Variants in HEATR4 observed in about 807,000 individuals in gnomAD.
The protein encoded by HEATR4 is HEAT repeat-containing protein 4.
In HEATR4, 95 loss-of-function variants were observed where a neutral mutation model predicts 108.8. The observed-to-expected ratio is 0.87, with a 90% confidence interval of 0.74 to 1.04. HEATR4 has a LOEUF of 1.04. HEATR4 is among the 50% of genes least tolerant of loss of function. HEATR4 has a pLI of 0.00. For missense variants in HEATR4, 1,152 were observed against 1,253.8 expected (o/e 0.92, Z 1.23); for synonymous variants, 443 against 459.4 (o/e 0.96, Z 0.46).
At chr14:73,574,823 A>G in the HEATR4 span, 3 of 1,601,652 alleles carry the variant, frequency 1.9e-6, no homozygotes, top group South Asian at 3.3e-5. Flanking sequence ...ACTCAGGTTC[A>G]ACTAACTTCC....
chr14:73,535,549 AGC>A lies in HEATR4; in HGVS notation c.-151-5307_-151-5306del, dbSNP rs1485983769. Among the ~76,000 whole-genome samples, 39 of 87,958 alleles carry A rather than the reference AGC, an allele frequency of 4.4e-4. 7 individuals carry two copies. Among genetic ancestry groups the A allele is most frequent in the African/African-American group, 1.4e-3 (37 of 26,208 alleles). The allele number at this position is 87,958 out of a possible 152,430, so 57.7% of individuals were successfully genotyped here. On this transcript the variant is annotated intron_variant, in intron 1 of 17. Coordinates refer to ENST00000553558, the MANE Select transcript of HEATR4 (RefSeq NM_001220484.1). ...AGTGGCGCCATCTTGGCTCACTGCA[AGC>A]ACTGCCTCCAGGGTTCACGCCATTC... is the stretch of plus-strand genomic sequence containing the variant.
chr14:73,563,581 C>G (rs1287590601), upstream of HEATR4, among the ~76,000 whole-genome samples: 2 of 151,842 alleles, frequency 1.3e-5, no homozygotes, highest in Non-Finnish European at 2.9e-5. Context: ...GGGGATAGAG[C>G]GAGACTCCAA....
At chr14:73,601,008 G>C in the HEATR4 span, among the ~76,000 whole-genome samples, 4 of 151,808 alleles carry the variant, frequency 2.6e-5, no homozygotes, top group South Asian at 6.3e-4. Flanking sequence ...AGGTGTGGTG[G>C]TGCGTGCCTG....
the HEATR4 span, among the ~76,000 whole-genome samples, chr14:73,605,293 C>T: frequency 6.6e-6 from 1 of 151,820 alleles, no homozygotes; most frequent in East Asian, 2.0e-4. Context: ...ACTGCCTTTG[C>T]AAAATTATGA....
chr14:73,584,618 C>T, the HEATR4 span, among the ~76,000 whole-genome samples: 3 of 147,978 alleles, frequency 2.0e-5, no homozygotes, highest in East Asian at 2.0e-4. Context: ...CTTCCTTGCC[C>T]GGGGCCTGTT....
At chr14:73,590,201 G>A in the HEATR4 span, among the ~76,000 whole-genome samples, 3 of 152,140 alleles carry the variant, frequency 2.0e-5, no homozygotes, top group African/African-American at 7.2e-5. Flanking sequence ...CGATTGGTCC[G>A]TTTTGACAGG....
At position 73,498,245 on chromosome 14, in the gene HEATR4, C is replaced by T. The variant is rs543425089; in HGVS notation, c.2456G>A (p.Arg819His). The change falls in exon 14 of 18, where the codon CGT (arginine) becomes CAT (histidine). Residue 819 changes from arginine to histidine, a missense_variant. Transcript: ENST00000553558. ...ESPGVRLEAC[R>H]SILALKLQGD... The stretch of plus-strand genomic sequence containing the variant: ...TTGAAGTTTCAGGGCTAGGATGCTA[C>T]GGCAAGCTTCCAGCCGTACACCTGG... 79 of 1,614,086 alleles carry T rather than the reference C, an allele frequency of 4.9e-5. No individual in the cohort carries two copies. The highest frequency in any genetic ancestry group is 6.2e-5 in the Non-Finnish European group (73 of 1,180,008).
rs532045877 is a variant in HEATR4, at chr14:73,492,532, C to A, written c.2844+534G>T. On this transcript the variant is annotated intron_variant, in intron 17 of 17. Coordinates refer to ENST00000553558, the MANE Select transcript of HEATR4 (RefSeq NM_001220484.1). The surrounding 1 kb of genome is among the most constrained non-coding windows in gnomAD (Gnocchi z 4.9). ...TGGCCGACCAGCGAGCCAAAGACTT[C>A]ATTCACGATTCTCTGCCCCCTGTTT... The A allele has an allele frequency of 8.1e-6, 13 of 1,613,602 alleles. No individual in the cohort carries two copies. Among genetic ancestry groups the A allele is most frequent in the Middle Eastern group, 1.6e-4 (1 of 6,084 alleles).
intron 17 of HEATR4, chr14:73,491,869 C>T: frequency 6.2e-7 from 1 of 1,610,958 alleles, no homozygotes; most frequent in South Asian, 1.1e-5. Context: ...CGCTGCCCGC[C>T]GCCGCGTGGT....
chr14:73,554,550 A>G (rs1728744022), intron 1 of HEATR4, among the ~76,000 whole-genome samples: 1 of 115,216 alleles, frequency 8.7e-6, no homozygotes, highest in African/African-American at 2.8e-5. Flanking sequence ...GGCATGGTTA[A>G]TACCTGAGAT....
chr14:73,600,666 G>T, the HEATR4 span, among the ~76,000 whole-genome samples: 10 of 151,850 alleles, frequency 6.6e-5, 1 homozygote, highest in East Asian at 1.8e-3. Flanking sequence ...GGCCAATCTG[G>T]TCTCAAACTC....
At chr14:73,625,763 A>C in the HEATR4 span, among the ~76,000 whole-genome samples, 1 of 152,148 alleles carries the variant, frequency 6.6e-6, no homozygotes, top group Non-Finnish European at 1.5e-5. Flanking sequence ...GAACTTAATA[A>C]ATGTTGTGTG....
rs1889237674 is a variant in HEATR4, at chr14:73,546,655, G to A, written c.-152+12096C>T. Among the ~76,000 whole-genome samples the A allele has an allele frequency of 6.1e-5, 7 of 114,556 alleles. 2 individuals carry two copies. Among genetic ancestry groups the A allele is most frequent in the Admixed American group, 3.0e-4 (3 of 10,026 alleles). 75.2% of individuals were successfully genotyped at this position (114,556 alleles called of 152,430 possible). A position where few individuals can be genotyped will look rare whatever the true frequency, so the allele number is the denominator to read the frequency against. Reference sequence around the variant, plus strand: ...CTTGGATTATAGGCATGAGCAACCGGGCCCAGCCTAGTTAGTCTTTATTAG... The same window carrying A: ...CTTGGATTATAGGCATGAGCAACCGAGCCCAGCCTAGTTAGTCTTTATTAG... On this transcript the variant is annotated intron_variant, in intron 1 of 17. Coordinates refer to ENST00000553558, the MANE Select transcript of HEATR4 (RefSeq NM_001220484.1).
chr14:73,492,574 G>T lies in HEATR4; in HGVS notation c.2844+492C>A. ...CCCCTGTTTTGACTGATAGGGAGAG[G>T]GCACTAAGTGTTTACGGGCTTCCAA... On this transcript the variant is annotated intron_variant, in intron 17 of 17. Transcript: ENST00000553558. The surrounding 1 kb of genome is among the most constrained non-coding windows in gnomAD (Gnocchi z 4.9). 2 of 1,613,912 alleles carry T rather than the reference G, an allele frequency of 1.2e-6. No individual in the cohort carries two copies. Among genetic ancestry groups the T allele is most frequent in the South Asian group, 2.2e-5 (2 of 91,076 alleles).
At chr14:73,566,363 A>G in the HEATR4 span, among the ~76,000 whole-genome samples, 1 of 152,022 alleles carries the variant, frequency 6.6e-6, no homozygotes, top group Non-Finnish European at 1.5e-5. Flanking sequence ...GGTCAATGGG[A>G]CTGGGCTCCG....
chr14:73,593,840 A>C, the HEATR4 span: 175 of 1,613,946 alleles, frequency 1.1e-4, no homozygotes, highest in Non-Finnish European at 1.4e-4. Flanking sequence ...CTCCCCAATA[A>C]CATGGACAAC....
chr14:73,598,317 G>A, the HEATR4 span, among the ~76,000 whole-genome samples: 8 of 150,728 alleles, frequency 5.3e-5, no homozygotes, highest in African/African-American at 2.0e-4. Context: ...GTGAACCCGG[G>A]AGGCAGAACT....
the HEATR4 span, chr14:73,595,297 C>T: frequency 3.7e-6 from 6 of 1,614,202 alleles, no homozygotes; most frequent in African/African-American, 1.3e-5. Flanking sequence ...TAGGAGGGTA[C>T]AAGAACCCCA....
the HEATR4 span, among the ~76,000 whole-genome samples, chr14:73,579,213 G>A: frequency 2.2e-5 from 3 of 137,290 alleles, no homozygotes; most frequent in Non-Finnish European, 4.6e-5. Flanking sequence ...CCGAGATCAC[G>A]CCATTGTACT....
Sources: allele counts gnomAD v4.1 joint callset (sites outside exome capture counted in the v4.1 genomes callset), GRCh38; gene constraint gnomAD v4.1.1; non-coding constraint Gnocchi (gnomAD v3.1); transcripts MANE v1.5; gene names NCBI Gene and HGNC (gene_info 2026-07-23, HGNC 2026-07-21).